CSMD1: variants seen among roughly 807,000 people sequenced by gnomAD.
CSMD1 encodes CUB and Sushi multiple domains 1.
CSMD1 carries 213 observed loss-of-function variants against 417.5 expected under a neutral mutation model. The observed-to-expected ratio is 0.51, with a 90% CI of 0.46 to 0.57. The LOEUF (loss-of-function observed/expected upper bound fraction) is 0.57, where lower values mean the gene tolerates loss of function less well. Among genes scored for constraint, CSMD1 ranks in the 20% least tolerant of loss-of-function variants. CSMD1 has a pLI of 0.00. For missense variants in CSMD1, 6,923 were observed against 4,529.7 expected (o/e 1.53, Z -15.17); for synonymous variants, 2,862 against 1,736.8 (o/e 1.65, Z -16.11).
intron 2 of CSMD1, among the ~76,000 whole-genome samples, chr8:4,523,054 A>G (rs543825265): frequency 6.6e-6 from 1 of 152,306 alleles, no homozygotes; most frequent in East Asian, 1.9e-4. Flanking sequence ...AGCTCTGCAG[A>G]GCTGCAAAAT....
At chr8:3,250,349 G>A (rs977387542) in intron 26 of CSMD1, among the ~76,000 whole-genome samples, 2 of 152,108 alleles carry the variant, frequency 1.3e-5, no homozygotes, top group African/African-American at 4.8e-5. Context: ...GAGAATGATG[G>A]TTTCCAGCTT....
intron 5 of CSMD1, among the ~76,000 whole-genome samples, chr8:3,822,660 T>C (rs10110717): frequency 0.34 from 50,932 of 152,012 alleles, 8,984 homozygotes; most frequent in East Asian, 0.61. Context: ...TCTTCATTTA[T>C]GTCTTCTCAG....
chr8:3,737,095 G>A (rs1274593424), intron 6 of CSMD1, among the ~76,000 whole-genome samples: 1 of 152,302 alleles, frequency 6.6e-6, no homozygotes, highest in South Asian at 2.1e-4. Flanking sequence ...TTATAGTCAT[G>A]TAACTACAAT....
intron 3 of CSMD1, among the ~76,000 whole-genome samples, chr8:4,079,787 C>T (rs1541719): frequency 0.012 from 1,860 of 152,168 alleles, 37 homozygotes; most frequent in African/African-American, 0.041. Flanking sequence ...GTTCTCTTTT[C>T]ATCAGGTTAG....
chr8:4,604,358 G>C, intron 2 of CSMD1, among the ~76,000 whole-genome samples: 1 of 146,036 alleles, frequency 6.8e-6, no homozygotes, highest in East Asian at 2.0e-4. Flanking sequence ...TATTATTCTA[G>C]TCTTTACTCT....
intron 3 of CSMD1, among the ~76,000 whole-genome samples, chr8:4,103,945 C>G (rs191385177): frequency 2.4e-4 from 36 of 152,306 alleles, no homozygotes; most frequent in African/African-American, 8.2e-4. Flanking sequence ...ACATTCACTC[C>G]TCAAACCCTG....
At chr8:3,147,228 G>C (rs112076968) in intron 40 of CSMD1, among the ~76,000 whole-genome samples, 1,553 of 152,090 alleles carry the variant, frequency 0.01, 21 homozygotes, top group African/African-American at 0.035. Context: ...TTTTTCTTTT[G>C]TAATTCACTT....
chr8:4,012,101 T>G (rs1042977817), intron 4 of CSMD1, among the ~76,000 whole-genome samples: 7 of 152,134 alleles, frequency 4.6e-5, no homozygotes, highest in Non-Finnish European at 1.0e-4. Flanking sequence ...ATAGCCACAA[T>G]GAAACATTTT....
intron 2 of CSMD1, among the ~76,000 whole-genome samples, chr8:4,504,383 T>C (rs907750435): frequency 6.6e-6 from 1 of 152,174 alleles, no homozygotes; most frequent in Non-Finnish European, 1.5e-5. Context: ...GATGAGTATG[T>C]TCTGGAGATC....
intron 7 of CSMD1, among the ~76,000 whole-genome samples, chr8:3,635,625 A>G (rs1003471471): frequency 4.2e-4 from 64 of 151,454 alleles, no homozygotes; most frequent in African/African-American, 1.5e-3. Context: ...CTGGGACTAC[A>G]GGCGCCAGCC....
chr8:4,211,983 TTC>T (rs1563281286), intron 3 of CSMD1, among the ~76,000 whole-genome samples: 1 of 152,096 alleles, frequency 6.6e-6, no homozygotes, highest in African/African-American at 2.4e-5. Context: ...GCAGTATGTC[TTC>T]TGTTATAAAA....
intron 7 of CSMD1, among the ~76,000 whole-genome samples, chr8:3,653,841 AT>A (rs1360943289): frequency 5.3e-5 from 8 of 152,168 alleles, no homozygotes; most frequent in Non-Finnish European, 1.0e-4. Context: ...AAATATATAT[AT>A]TTATCTTCAT....
chr8:3,277,751 G>A (rs1802414376), intron 26 of CSMD1, among the ~76,000 whole-genome samples: 1 of 152,304 alleles, frequency 6.6e-6, no homozygotes, highest in South Asian at 2.1e-4. Flanking sequence ...CAGGGGAGAA[G>A]CCTGGGAGGC....
intron 11 of CSMD1, among the ~76,000 whole-genome samples, chr8:3,476,915 A>C (rs1328755490): frequency 4.2e-5 from 1 of 23,658 alleles, no homozygotes; most frequent in African/African-American, 3.0e-4. Context: ...TCCGCCTCAA[A>C]AAAAAAAAAA....
chr8:3,536,026 G>T (rs1798182856), intron 10 of CSMD1, among the ~76,000 whole-genome samples: 1 of 152,248 alleles, frequency 6.6e-6, no homozygotes, highest in Non-Finnish European at 1.5e-5. Flanking sequence ...ACCTCCTCAA[G>T]CCAGCGACCA....
intron 55 of CSMD1, among the ~76,000 whole-genome samples, chr8:2,977,281 C>G (rs1215033636): frequency 6.6e-6 from 1 of 152,046 alleles, no homozygotes; most frequent in Non-Finnish European, 1.5e-5. Context: ...TACTGACAGG[C>G]CTCAGTGAGT....
chr8:4,269,949 C>A (rs1347865519), intron 3 of CSMD1, among the ~76,000 whole-genome samples: 1 of 152,122 alleles, frequency 6.6e-6, no homozygotes, highest in African/African-American at 2.4e-5. Flanking sequence ...TTGGGGGAAA[C>A]CACGACCTCT....
At chr8:4,586,332 T>C (rs1308211000) in intron 2 of CSMD1, among the ~76,000 whole-genome samples, 4 of 152,242 alleles carry the variant, frequency 2.6e-5, no homozygotes, top group Admixed American at 2.0e-4. Context: ...CAGTGACTAA[T>C]TGCTTGTGTA....
chr8:4,162,673 C>A (rs144950432), intron 3 of CSMD1, among the ~76,000 whole-genome samples: 1 of 152,146 alleles, frequency 6.6e-6, no homozygotes, highest in Non-Finnish European at 1.5e-5. Context: ...CTCCCATACA[C>A]AGAGCCTCCC....
Sources: gnomAD v4.1 joint callset for allele counts (sites outside exome capture counted in the v4.1 genomes callset) on GRCh38, gnomAD v4.1.1 for gene constraint, MANE v1.5 for transcripts, NCBI Gene and HGNC (gene_info 2026-07-23, HGNC 2026-07-21) for gene names.